Variants in MYOF observed in about 807,000 individuals in gnomAD.
MYOF encodes myoferlin, also known as fer-1-like 3, myoferlin.
Under a neutral mutation model 284.2 loss-of-function variants are expected in MYOF, and 244 were observed. That is an observed-to-expected ratio of 0.86 (90% confidence interval 0.77 to 0.95). The LOEUF is 0.95. Ranked by LOEUF, MYOF falls within the 40% of genes least tolerant of loss-of-function variation. MYOF has a pLI of 0.00. For missense variants in MYOF, 2,496 were observed against 2,560.6 expected (o/e 0.97, Z 0.54); for synonymous variants, 904 against 919.7 (o/e 0.98, Z 0.31).
At chr10:93,386,414 A>T (rs1482085079) in intron 19 of MYOF, among the ~76,000 whole-genome samples, 1 of 152,158 alleles carries the variant, frequency 6.6e-6, no homozygotes, top group East Asian at 1.9e-4. Flanking sequence ...TCTCTTTAGT[A>T]AAAAAACAAA....
intron 50 of MYOF, among the ~76,000 whole-genome samples, chr10:93,315,687 G>A (rs920187816): frequency 6.6e-6 from 1 of 152,116 alleles, no homozygotes; most frequent in Admixed American, 6.5e-5. Flanking sequence ...CAGGCTACAC[G>A]TCCTGGTTTA....
At chr10:93,330,215 G>T (rs1843238553) in intron 43 of MYOF, among the ~76,000 whole-genome samples, 1 of 152,072 alleles carries the variant, frequency 6.6e-6, no homozygotes, top group East Asian at 1.9e-4. Flanking sequence ...TATTTAGAGA[G>T]CATCTGACAT....
At chr10:93,339,159 T>A (rs1386526319) in intron 39 of MYOF, among the ~76,000 whole-genome samples, 8 of 151,600 alleles carry the variant, frequency 5.3e-5, no homozygotes, top group Admixed American at 4.6e-4. Flanking sequence ...ACTACAGGCA[T>A]GTGCCACCAT....
chr10:93,407,519 A>C (rs1346521399), intron 7 of MYOF, among the ~76,000 whole-genome samples: 1 of 149,284 alleles, frequency 6.7e-6, no homozygotes, highest in Non-Finnish European at 1.5e-5. Context: ...TGACGAGGTC[A>C]AGAGATCGAG....
intron 1 of MYOF, among the ~76,000 whole-genome samples, chr10:93,476,302 A>T (rs1375461321): frequency 8.5e-6 from 1 of 117,934 alleles, no homozygotes; most frequent in African/African-American, 3.3e-5. Flanking sequence ...GCCAGGCTGG[A>T]GTGCAGTGGC....
chr10:93,397,185 T>C lies in MYOF; in HGVS notation c.1334+62A>G, dbSNP rs189761230. ...ACCAGAAAGAGACAATCCAGAGTAA[T>C]GTTTCACAATATCCAATGTTTATTT... On this transcript the variant is annotated intron_variant, in intron 15 of 53. Transcript: ENST00000359263. The C allele has an allele frequency of 4.5e-3, 6,152 of 1,354,124 alleles. 17 individuals are homozygous for C. Among genetic ancestry groups the C allele is most frequent in the Non-Finnish European group, 5.8e-3 (5,598 of 965,528 alleles). The allele number at this position is 1,354,124 out of a possible 1,614,324, so 83.9% of individuals were successfully genotyped here.
intron 36 of MYOF, among the ~76,000 whole-genome samples, chr10:93,348,656 C>T (rs1361283934): frequency 6.9e-6 from 1 of 145,308 alleles, no homozygotes; most frequent in Non-Finnish European, 1.5e-5. Flanking sequence ...CCCGGTGGCT[C>T]GCCGTCTGTC....
In MYOF at chr10:93,335,847, G is replaced by A. The variant is rs1439010283; in HGVS notation, c.4563+74C>T. ...CAGGATGTGCCCCTCCCTAGAGCCT[G>A]GTTGTCCTTTATTCTAGGCCTATAT... On this transcript the variant is annotated intron_variant, in intron 41 of 53. Transcript: ENST00000359263. 9 of 1,539,066 alleles carry A rather than the reference G, an allele frequency of 5.8e-6. No homozygotes were observed. In the East Asian group the frequency reaches 1.6e-4, roughly 27 times the overall value.
chr10:93,446,898 G>GA (rs1458771123), intron 3 of MYOF, among the ~76,000 whole-genome samples: 5 of 151,942 alleles, frequency 3.3e-5, no homozygotes, highest in African/African-American at 1.2e-4. Context: ...TTGTATTTTA[G>GA]TAGAGACAGG....
chr10:93,404,495 C>G (rs567849575), intron 7 of MYOF, among the ~76,000 whole-genome samples: 4 of 152,146 alleles, frequency 2.6e-5, no homozygotes, highest in African/African-American at 9.6e-5. Flanking sequence ...GGCTAGATAT[C>G]TAAAAGCTAA....
intron 38 of MYOF, among the ~76,000 whole-genome samples, chr10:93,342,206 C>T (rs1272421446): frequency 6.6e-6 from 1 of 152,206 alleles, no homozygotes; most frequent in Non-Finnish European, 1.5e-5. Flanking sequence ...ATTTTTGAGG[C>T]ATTCCCTCCA....
Position 93,429,987 on chromosome 10 carries a change from T to C in MYOF, c.345+1421A>G, listed in dbSNP as rs1848763950. Among the ~76,000 whole-genome samples, 4 of 151,178 alleles carry C rather than the reference T, an allele frequency of 2.6e-5. No homozygotes were observed. In the South Asian group the frequency reaches 8.4e-4, roughly 32 times the overall value. ...TCTTGCTCTGTTGCCCAGGCTGGAG[T>C]GCAGTGGCGCGATCTTGGCTCACTG... On this transcript the variant is annotated intron_variant, in intron 4 of 53. Transcript: ENST00000359263.
At position 93,409,582 on chromosome 10, in the gene MYOF, C is replaced by G. The variant is rs568971785; in HGVS notation, c.591G>C (p.Gln197His). Residue 197 changes from glutamine to histidine, a missense_variant, in exon 6 of 54, where the codon CAG (glutamine) becomes CAC (histidine). Physicochemically the swap from Gln to His is conservative, Grantham distance 24. Transcript: ENST00000359263. ...NSRRMLSNKP[Q>H]DFQIRVRVIE... ...GCCAGGCCGTTGCTACCTGGAAGTCCTGTGGCTTATTTGACAGCATCCGCC... is the reference window on the plus strand; with the variant it reads ...GCCAGGCCGTTGCTACCTGGAAGTCGTGTGGCTTATTTGACAGCATCCGCC... The G allele has an allele frequency of 2.5e-6, 4 of 1,613,540 alleles. No individual in the cohort carries two copies. The highest frequency in any genetic ancestry group is 3.3e-5 in the Admixed American group (2 of 59,848).
At chr10:93,469,702 C>T (rs894266919) in intron 1 of MYOF, among the ~76,000 whole-genome samples, 10 of 152,158 alleles carry the variant, frequency 6.6e-5, no homozygotes, top group African/African-American at 2.4e-4. Context: ...GTTCACGTGC[C>T]TGACCACAGG....
intron 4 of MYOF, 78 bp from the exon 5 acceptor site, chr10:93,426,236 G>T: frequency 1.4e-6 from 2 of 1,424,718 alleles, no homozygotes; most frequent in Non-Finnish European, 1.9e-6. Flanking sequence ...AGTGACTTCA[G>T]CAGGAGCCAA....
At chr10:93,334,575 G>A (rs1564627021) in intron 41 of MYOF, among the ~76,000 whole-genome samples, 1 of 152,156 alleles carries the variant, frequency 6.6e-6, no homozygotes, top group East Asian at 1.9e-4. Context: ...CCTAACACAG[G>A]ACTAGGCATA....
intron 5 of MYOF, among the ~76,000 whole-genome samples, chr10:93,410,477 C>T (rs1266471037): frequency 6.6e-6 from 1 of 152,118 alleles, no homozygotes; most frequent in Non-Finnish European, 1.5e-5. Flanking sequence ...TTTTCAGGCT[C>T]CCCAAATGTC....
chr10:93,448,455 A>G (rs1350830150), intron 3 of MYOF, among the ~76,000 whole-genome samples: 1 of 152,112 alleles, frequency 6.6e-6, no homozygotes, highest in Non-Finnish European at 1.5e-5. Flanking sequence ...CATATTATGT[A>G]TATATTTTTT....
chr10:93,472,338 A>T (rs1429074180), intron 1 of MYOF, among the ~76,000 whole-genome samples: 1 of 152,222 alleles, frequency 6.6e-6, no homozygotes, highest in Non-Finnish European at 1.5e-5. Context: ...ATGGTGCAGG[A>T]TCTATGGAGA....
Sources: gnomAD v4.1 joint callset for allele counts (sites outside exome capture counted in the v4.1 genomes callset) on GRCh38, gnomAD v4.1.1 for gene constraint, MANE v1.5 for transcripts, NCBI Gene and HGNC (gene_info 2026-07-23, HGNC 2026-07-21) for gene names.